Variants in NR1I2 observed in about 807,000 individuals in gnomAD.
The protein encoded by NR1I2 is nuclear receptor subfamily 1 group I member 2, also known as orphan nuclear receptor PAR1.
A neutral mutation model predicts 43.3 loss-of-function variants in NR1I2; 42 were observed. The observed-to-expected ratio is 0.97, with a 90% CI of 0.76 to 1.26. The LOEUF is 1.26. NR1I2 is among the 50% of genes most tolerant of loss of function. The probability of loss-of-function intolerance (pLI) is 0.00; values close to 1 mark genes in which losing one functional copy is unlikely to be tolerated. For missense variants in NR1I2, 559 were observed against 566.7 expected, an observed-to-expected ratio of 0.99 and a Z score of 0.14; for synonymous variants, 229 against 215.0, an observed-to-expected ratio of 1.06 and a Z score of -0.57.
At chr3:119,807,485 C>T in intron 2 of NR1I2, 38 bp downstream of exon 2, 1 of 1,563,716 alleles carries the variant, frequency 6.4e-7, no homozygotes, top group South Asian at 1.1e-5. Flanking sequence ...CGTGCCACCA[C>T]TGACCCACTG....
intron 1 of NR1I2, among the ~76,000 whole-genome samples, chr3:119,802,740 G>T (rs2055097705): frequency 6.6e-6 from 1 of 152,146 alleles, no homozygotes; most frequent in Admixed American, 6.5e-5. Flanking sequence ...CAGTTAGAGG[G>T]TTATGTAAAG....
At chr3:119,815,546 TG>T in intron 7 of NR1I2, 107 bp downstream of exon 7, 1 of 1,102,000 alleles carries the variant, frequency 9.1e-7, no homozygotes, top group Non-Finnish European at 1.4e-6. Context: ...GCAGCCAGGA[TG>T]GGGGCTCTCG....
Position 119,807,433 on chromosome 3 carries a change from C to T in NR1I2, c.183C>T (p.Cys61=). 1 of 1,613,714 alleles carries T rather than the reference C, an allele frequency of 6.2e-7. No homozygotes were observed. The highest frequency in any genetic ancestry group is 8.5e-7 in the Non-Finnish European group (1 of 1,179,970). The change falls in exon 2 of 9, where the codon TGC becomes TGT. Residue 61 remains cysteine (C), a synonymous_variant. Transcript: ENST00000393716. The stretch of plus-strand genomic sequence containing the variant: ...TCAATGTCATGACATGTGAAGGATG[C>T]AAGGGCTTTTTCAGGTAGAGTTACC...
chr3:119,817,421 G>A lies in NR1I2; in HGVS notation c.*209G>A. 7.0e-7 allele frequency: 1 copy of A among 1,437,430 alleles called. No individual in the cohort carries two copies. The highest frequency in any genetic ancestry group is 9.1e-7 in the Non-Finnish European group (1 of 1,094,846). 89.0% of individuals were successfully genotyped at this position (1,437,430 alleles called of 1,614,324 possible). A position where few individuals can be genotyped will look rare whatever the true frequency, so the allele number is the denominator to read the frequency against. On this transcript the variant is annotated 3_prime_UTR_variant, in exon 9 of 9. Coordinates refer to ENST00000393716, the MANE Select transcript of NR1I2 (RefSeq NM_003889.4). ...ACCCCCAGTTCAGTCTGTAGGGAGTGAAGCCACAGACTCTTACGTGGAGAG... is the reference window on the plus strand; with the variant it reads ...ACCCCCAGTTCAGTCTGTAGGGAGTAAAGCCACAGACTCTTACGTGGAGAG...
intron 1 of NR1I2, among the ~76,000 whole-genome samples, chr3:119,791,234 C>T (rs769557720): frequency 6.6e-6 from 1 of 152,224 alleles, no homozygotes; most frequent in Non-Finnish European, 1.5e-5. Context: ...CACCATCCCT[C>T]ATAGGCCCCA....
At chr3:119,791,902 A>C in intron 1 of NR1I2, 1 of 630,190 alleles carries the variant, frequency 1.6e-6, no homozygotes, top group South Asian at 1.4e-5. Flanking sequence ...TCTGCCTTAT[A>C]TAACATGGAT....
chr3:119,783,107 A>G (rs2054799999), intron 1 of NR1I2, among the ~76,000 whole-genome samples: 1 of 152,018 alleles, frequency 6.6e-6, no homozygotes, highest in Non-Finnish European at 1.5e-5. Context: ...GCCTCTAATG[A>G]TATGGTCAGA....
chr3:119,797,184 A>ATG (rs1401966538), intron 1 of NR1I2, among the ~76,000 whole-genome samples: 5 of 24,996 alleles, frequency 2.0e-4, no homozygotes, highest in African/African-American at 3.7e-4. Flanking sequence ...CTGCACAAAG[A>ATG]TATGTGTGTG....
At chr3:119,798,639 C>CAGTA in intron 1 of NR1I2, among the ~76,000 whole-genome samples, 1 of 121,624 alleles carries the variant, frequency 8.2e-6, no homozygotes, top group African/African-American at 3.2e-5. Context: ...GACTCCGTCT[C>CAGTA]AAAAAAAAAA....
rs267599559 is a variant in NR1I2 at position 119,815,748 on chromosome 3, C to T, written c.1077C>T (p.His359=). 6 of 1,613,660 alleles carry T rather than the reference C, an allele frequency of 3.7e-6. No homozygotes were observed. Among genetic ancestry groups the T allele is most frequent in the Admixed American group, 1.7e-5 (1 of 59,964 alleles). Residue 359 remains histidine (H), a synonymous_variant, in exon 8 of 9, where the codon CAC becomes CAT. Coordinates refer to ENST00000393716, the MANE Select transcript of NR1I2 (RefSeq NM_003889.4). ...CAGACCGCCCAGGTGTGCTGCAGCA[C>T]CGCGTGGTGGACCAGCTGCAGGAGC...
intron 1 of NR1I2, among the ~76,000 whole-genome samples, chr3:119,806,898 C>T (rs779792744): frequency 6.6e-6 from 1 of 152,200 alleles, no homozygotes; most frequent in Non-Finnish European, 1.5e-5. Flanking sequence ...CTCCTAACCT[C>T]AGTCCACTCA....
chr3:119,798,988 A>C (rs1341823629), intron 1 of NR1I2, among the ~76,000 whole-genome samples: 3 of 152,220 alleles, frequency 2.0e-5, no homozygotes, highest in Non-Finnish European at 4.4e-5. Context: ...TATTATGAAT[A>C]ATGCTGCTAT....
chr3:119,783,085 C>A (rs2054799448), intron 1 of NR1I2, among the ~76,000 whole-genome samples: 1 of 151,882 alleles, frequency 6.6e-6, no homozygotes, highest in African/African-American at 2.4e-5. Flanking sequence ...GGCACTATTC[C>A]TCTCCCACAT....
rs567062731 is a variant in NR1I2 at position 119,804,324 on chromosome 3, A to G, written c.-22-2905A>G. ...TGGGAGGTGGAGCTTGCAGTGAGCC[A>G]AGATCATGCCACTGCACTCCAGCCT... On this transcript the variant is annotated intron_variant, in intron 1 of 8. Transcript: ENST00000393716. Among the ~76,000 whole-genome samples, 32 of 150,714 alleles carry G rather than the reference A, an allele frequency of 2.1e-4. No individual in the cohort carries two copies. The South Asian group carries it at 6.2e-3, about 29-fold the overall frequency.
intron 1 of NR1I2, among the ~76,000 whole-genome samples, chr3:119,786,310 G>A (rs868206489): frequency 3.9e-5 from 6 of 152,318 alleles, no homozygotes; most frequent in African/African-American, 9.6e-5. Flanking sequence ...CAGGAGGAAT[G>A]TGTAGGGAAC....
chr3:119,813,062 T>A, intron 5 of NR1I2, 102 bp downstream of exon 5: 1 of 1,291,310 alleles, frequency 7.7e-7, no homozygotes, highest in South Asian at 1.2e-5. Flanking sequence ...GATATTGGTG[T>A]CAGAAGACCC....
chr3:119,809,809 C>T (rs2055211774), intron 2 of NR1I2, among the ~76,000 whole-genome samples: 1 of 152,142 alleles, frequency 6.6e-6, no homozygotes, highest in African/African-American at 2.4e-5. Context: ...GCGAAAAGCA[C>T]GTGTCCCATT....
chr3:119,813,511 C>T (rs553528289), intron 5 of NR1I2, among the ~76,000 whole-genome samples: 5 of 152,198 alleles, frequency 3.3e-5, no homozygotes, highest in African/African-American at 1.2e-4. Flanking sequence ...ACCACAGCCC[C>T]AGAATATGTG....
chr3:119,812,986 G>T, intron 5 of NR1I2, 26 bp downstream of exon 5: 1 of 1,609,580 alleles, frequency 6.2e-7, no homozygotes, highest in Non-Finnish European at 8.5e-7. Flanking sequence ...TGGGTGGTTG[G>T]GTGTGGAAAA....
Sources: gnomAD v4.1 joint callset for allele counts (sites outside exome capture counted in the v4.1 genomes callset) on GRCh38, gnomAD v4.1.1 for gene constraint, MANE v1.5 for transcripts, NCBI Gene and HGNC (gene_info 2026-07-23, HGNC 2026-07-21) for gene names.